AUTS2: variants seen among roughly 807,000 people sequenced by gnomAD.
AUTS2 encodes autism susceptibility gene 2 protein.
A neutral mutation model predicts 112.4 loss-of-function variants in AUTS2; 17 were observed. The ratio of observed to expected loss-of-function variants is 0.15; its 90% CI spans 0.10 to 0.23. AUTS2 has a LOEUF of 0.23. AUTS2 is among the 10% of genes least tolerant of loss of function. The probability of loss-of-function intolerance (pLI) is 1.00; values close to 1 mark genes in which losing one functional copy is unlikely to be tolerated. For synonymous variants in AUTS2, 751 were observed against 702.7 expected (o/e 1.07, Z -1.09); for missense variants, 1,510 against 1,701.6 (o/e 0.89, Z 1.98).
chr7:70,008,058 A>G (rs193152552), intron 2 of AUTS2, among the ~76,000 whole-genome samples: 1 of 152,238 alleles, frequency 6.6e-6, no homozygotes, highest in Admixed American at 6.5e-5. Flanking sequence ...CTTTTGTTCA[A>G]CAGTTAATTT....
At chr7:70,437,013 T>C (rs937673496) in intron 5 of AUTS2, 1 of 152,300 alleles carries the variant, frequency 6.6e-6, no homozygotes, top group Non-Finnish European at 1.5e-5. Flanking sequence ...GTCCCCCAGA[T>C]AAGAACAGGC....
At chr7:69,668,988 T>C (rs1796195817) in intron 1 of AUTS2, among the ~76,000 whole-genome samples, 1 of 152,148 alleles carries the variant, frequency 6.6e-6, no homozygotes, top group African/African-American at 2.4e-5. Flanking sequence ...GATTTGACCA[T>C]TGAGAGACAC....
chr7:70,292,553 T>C (rs369281369), intron 4 of AUTS2: 2 of 152,222 alleles, frequency 1.3e-5, no homozygotes. Flanking sequence ...GGTATCAGTG[T>C]AAACTTCTAA....
intron 2 of AUTS2, among the ~76,000 whole-genome samples, chr7:70,035,661 C>T (rs935783532): frequency 2.6e-5 from 4 of 152,096 alleles, no homozygotes; most frequent in Admixed American, 6.6e-5. Context: ...GTCACTGGTG[C>T]GTGTTCCTCT....
intron 2 of AUTS2, among the ~76,000 whole-genome samples, chr7:70,072,987 T>C (rs1271978786): frequency 6.6e-6 from 1 of 151,370 alleles, no homozygotes; most frequent in Non-Finnish European, 1.5e-5. Context: ...AGCCTCTAGG[T>C]AGGCTGGCCA....
At chr7:70,716,675 C>G (rs1476062399) in intron 6 of AUTS2, among the ~76,000 whole-genome samples, 5 of 134,280 alleles carry the variant, frequency 3.7e-5, no homozygotes, top group Non-Finnish European at 6.2e-5. Context: ...AGGGAAGTCT[C>G]TTGTTCACAA....
At chr7:70,204,759 T>C (rs759403442) in intron 4 of AUTS2, among the ~76,000 whole-genome samples, 9 of 152,156 alleles carry the variant, frequency 5.9e-5, no homozygotes, top group African/African-American at 9.7e-5. Flanking sequence ...TGAACTGATA[T>C]ATGAAATTTT....
Position 70,462,247 on chromosome 7 carries a change from G to A in AUTS2, c.690+26466G>A, listed in dbSNP as rs932335262. Among the ~76,000 whole-genome samples, 33 of 152,164 alleles carry A rather than the reference G, an allele frequency of 2.2e-4. No individual in the cohort carries two copies. In the East Asian group the frequency reaches 4.3e-3, roughly 20 times the overall value. On this transcript the variant is annotated intron_variant, in intron 5 of 18. Coordinates refer to ENST00000342771, the MANE Select transcript of AUTS2 (RefSeq NM_015570.4). ...AGCCTGGGTGATAGAGCAAGACTCC[G>A]TGTCGAAAAAACAAAAACAAAATAA...
chr7:70,324,451 A>G (rs1790395131), intron 4 of AUTS2, among the ~76,000 whole-genome samples: 1 of 151,638 alleles, frequency 6.6e-6, no homozygotes, highest in South Asian at 2.1e-4. Flanking sequence ...GCAAGACCCT[A>G]TCTCTACAAA....
chr7:69,902,531 T>C (rs1795007351), intron 2 of AUTS2, among the ~76,000 whole-genome samples: 1 of 152,172 alleles, frequency 6.6e-6, no homozygotes. Context: ...TAGAATGAAT[T>C]AGGTTTGCAT....
rs2851506 is a variant in AUTS2, at chr7:69,649,748, T to A, written c.309+49786T>A. On this transcript the variant is annotated intron_variant, in intron 1 of 18. Coordinates refer to ENST00000342771, the MANE Select transcript of AUTS2 (RefSeq NM_015570.4). ...GCAAATAGCTATAATTAGATGAGGG[T>A]TATAGAGAATAACCACAGACTCTTT... 4.6e-5 allele frequency among the ~76,000 whole-genome samples: 7 copies of A among 151,352 alleles called. No homozygotes were observed. In the East Asian group the frequency reaches 1.2e-3, roughly 25 times the overall value.
intron 4 of AUTS2, among the ~76,000 whole-genome samples, chr7:70,241,528 C>T (rs1385190684): frequency 6.6e-6 from 1 of 151,994 alleles, no homozygotes; most frequent in East Asian, 1.9e-4. Flanking sequence ...GTCTTTTTAG[C>T]TTTGATGTGA....
At chr7:70,507,958 T>A (rs576875838) in intron 5 of AUTS2, among the ~76,000 whole-genome samples, 1 of 152,284 alleles carries the variant, frequency 6.6e-6, no homozygotes, top group Admixed American at 6.5e-5. Context: ...AAGACTTAAT[T>A]TTTTAGGTGT....
chr7:69,733,127 G>A (rs960962641), intron 1 of AUTS2, among the ~76,000 whole-genome samples: 2 of 152,148 alleles, frequency 1.3e-5, no homozygotes, highest in African/African-American at 4.8e-5. Context: ...ATTGGCTACG[G>A]CTCAGGTGAG....
At position 70,737,146 on chromosome 7, in the gene AUTS2, A is replaced by G. The variant is rs549069237; in HGVS notation, c.743-25724A>G. 3.9e-5 allele frequency among the ~76,000 whole-genome samples: 6 copies of G among 152,368 alleles called. No individual in the cohort carries two copies. The East Asian group carries it at 1.2e-3, about 29-fold the overall frequency. ...CTGATAAGCAGTAAGAAATGGAAAA[A>G]GCAGGGACCTAGAAAGTGAAAGTAG... On this transcript the variant is annotated intron_variant, in intron 6 of 18. Transcript: ENST00000342771.
In AUTS2 at chr7:69,680,580, A is replaced by T. The variant is rs552869123; in HGVS notation, c.309+80618A>T. On this transcript the variant is annotated intron_variant, in intron 1 of 18. Coordinates refer to ENST00000342771, the MANE Select transcript of AUTS2 (RefSeq NM_015570.4). Reference sequence around the variant, plus strand: ...TTTCATCTTGTGAATATGAAACTCTATACCCCTTAAACAACAACTCCCCTC... The same window carrying T: ...TTTCATCTTGTGAATATGAAACTCTTTACCCCTTAAACAACAACTCCCCTC... 7.2e-5 allele frequency among the ~76,000 whole-genome samples: 11 copies of T among 152,322 alleles called. No homozygotes were observed. In the East Asian group the frequency reaches 2.1e-3, roughly 29 times the overall value.
chr7:70,790,630 C>T lies in AUTS2; in HGVS notation c.3414C>T (p.Asp1138=). 1.2e-6 allele frequency: 2 copies of T among 1,611,882 alleles called. No homozygotes were observed. The highest frequency in any genetic ancestry group is 1.7e-6 in the Non-Finnish European group (2 of 1,179,306). ...ACCACCACCACCCGCTGTCTGTGGACCCTCGGCGGGAGCACGAGCGGGGAG... is the reference window on the plus strand; with the variant it reads ...ACCACCACCACCCGCTGTCTGTGGATCCTCGGCGGGAGCACGAGCGGGGAG... ...HHHHHHPLSV[D]PRREHERGGH... Residue 1138 remains aspartate (D), a synonymous_variant, in exon 19 of 19, where the codon GAC becomes GAT. Transcript: ENST00000342771. This position sits in a 1 kb window ranked among gnomAD's most constrained non-coding sequence, Gnocchi z 7.6.
intron 4 of AUTS2, among the ~76,000 whole-genome samples, chr7:70,216,036 T>C (rs1051005998): frequency 2.0e-5 from 3 of 152,248 alleles, no homozygotes; most frequent in East Asian, 3.8e-4. Flanking sequence ...AATCCCTATA[T>C]TGTAGCCCAA....
At chr7:69,698,379 GA>G (rs1327405850) in intron 1 of AUTS2, among the ~76,000 whole-genome samples, 5 of 152,126 alleles carry the variant, frequency 3.3e-5, no homozygotes, top group African/African-American at 9.7e-5. Context: ...TGATCTAGTA[GA>G]AAAGCAAATA....
Sources: gnomAD v4.1 joint callset for allele counts (sites outside exome capture counted in the v4.1 genomes callset) on GRCh38, gnomAD v4.1.1 for gene constraint, Gnocchi (gnomAD v3.1) non-coding constraint, MANE v1.5 for transcripts, NCBI Gene and HGNC (gene_info 2026-07-23, HGNC 2026-07-21) for gene names.